The following RYR2 variants were observed in gnomAD, a reference collection of about 807,000 sequenced individuals.
RYR2 encodes ryanodine receptor 2.
Under a neutral mutation model 601.1 loss-of-function variants are expected in RYR2, and 227 were observed. That is an observed-to-expected ratio of 0.38 (90% CI 0.34 to 0.42). RYR2 has a LOEUF of 0.42. Among genes scored for constraint, RYR2 ranks in the 10% least tolerant of loss-of-function variants. RYR2 has a pLI of 1.00. For missense variants in RYR2, 4,646 were observed against 6,156.5 expected (o/e 0.75, Z 8.21); for synonymous variants, 2,223 against 2,175.1 (o/e 1.02, Z -0.61).
chr1:237,590,598 A>G, intron 30 of RYR2, 42 bp from the exon 31 acceptor site: 1 of 1,447,834 alleles, frequency 6.9e-7, no homozygotes, highest in Non-Finnish European at 9.2e-7. Flanking sequence ...GGAAATTGAC[A>G]ATGGTGATTG....
At chr1:237,355,782 T>C (rs1314165787) in intron 3 of RYR2, among the ~76,000 whole-genome samples, 183 bp from the exon 4 acceptor site, 1 of 152,172 alleles carries the variant, frequency 6.6e-6, no homozygotes, top group African/African-American at 2.4e-5. Flanking sequence ...AACTGAATTC[T>C]TTTTGTTTGG....
At chr1:237,100,857 G>A (rs576202952) in intron 1 of RYR2, among the ~76,000 whole-genome samples, 5 of 152,216 alleles carry the variant, frequency 3.3e-5, no homozygotes, top group South Asian at 4.2e-4. Flanking sequence ...GGAAACTCAC[G>A]TGGCATGGGG....
intron 16 of RYR2, among the ~76,000 whole-genome samples, chr1:237,462,605 G>A (rs951491569): frequency 6.6e-6 from 1 of 152,128 alleles, no homozygotes; most frequent in Non-Finnish European, 1.5e-5. Flanking sequence ...AACCAACAAG[G>A]ATAGATTGCT....
intron 23 of RYR2, among the ~76,000 whole-genome samples, chr1:237,508,676 G>A (rs1481951576): frequency 6.9e-6 from 1 of 145,332 alleles, no homozygotes; most frequent in Non-Finnish European, 1.5e-5. Flanking sequence ...GTTACATTTA[G>A]TTCTGGTTGA....
At chr1:237,573,231 TACACACACACAC>T (rs10556537) in intron 29 of RYR2, among the ~76,000 whole-genome samples, 6 of 148,824 alleles carry the variant, frequency 4.0e-5, no homozygotes, top group African/African-American at 1.2e-4. Context: ...GATATACACA[TACACACACACAC>T]ACACACACAC....
intron 1 of RYR2, among the ~76,000 whole-genome samples, chr1:237,201,854 C>A (rs1362420687): frequency 6.6e-6 from 1 of 152,134 alleles, no homozygotes; most frequent in African/African-American, 2.4e-5. Context: ...GACGTATATT[C>A]AGGATTTGTT....
intron 24 of RYR2, among the ~76,000 whole-genome samples, chr1:237,524,566 TCTG>T (rs1393838954): frequency 6.6e-6 from 1 of 152,220 alleles, no homozygotes; most frequent in African/African-American, 2.4e-5. Flanking sequence ...ACTTTGCTAT[TCTG>T]CAGAATAACC....
chr1:237,814,130 C>T (rs1661532911), intron 100 of RYR2, among the ~76,000 whole-genome samples: 1 of 152,166 alleles, frequency 6.6e-6, no homozygotes, highest in Admixed American at 6.5e-5. Flanking sequence ...TGCTTCTTAC[C>T]AGTACTTGTG....
intron 1 of RYR2, among the ~76,000 whole-genome samples, chr1:237,188,829 G>T (rs532663655): frequency 6.6e-6 from 1 of 152,200 alleles, no homozygotes; most frequent in Admixed American, 6.5e-5. Context: ...TTGTAGACTC[G>T]ATGCGGACTG....
Position 237,229,862 on chromosome 1 carries a change from C to T in RYR2, c.49-40635C>T, listed in dbSNP as rs546157480. Among the ~76,000 whole-genome samples the T allele has an allele frequency of 4.3e-4, 65 of 152,330 alleles. 1 individual carries two copies. The highest frequency in any genetic ancestry group is 1.5e-3 in the African/African-American group (63 of 41,586). On this transcript the variant is annotated intron_variant, in intron 1 of 104. Coordinates refer to ENST00000366574, the MANE Select transcript of RYR2 (RefSeq NM_001035.3). ...CTAAACATAAGATCTCCCACCAACC[C>T]TGCGTCCACTCTGACTCCAGCACCT...
chr1:237,043,625 A>G (rs1660204754), intron 1 of RYR2, among the ~76,000 whole-genome samples: 1 of 152,162 alleles, frequency 6.6e-6, no homozygotes, highest in Non-Finnish European at 1.5e-5. Context: ...GCATCCTTTC[A>G]GTCGTTCCTT....
intron 2 of RYR2, among the ~76,000 whole-genome samples, chr1:237,299,285 G>T (rs2149447752): frequency 6.6e-6 from 1 of 152,168 alleles, no homozygotes; most frequent in South Asian, 2.1e-4. Flanking sequence ...TGACCAGAGT[G>T]TTTTCACTCT....
chr1:237,695,576 C>G (rs1454031549), intron 63 of RYR2, among the ~76,000 whole-genome samples: 3 of 152,144 alleles, frequency 2.0e-5, no homozygotes. Context: ...TTACAAAACT[C>G]TGCTGGCCCT....
chr1:237,435,957 C>G (rs989533168), intron 12 of RYR2, among the ~76,000 whole-genome samples: 6 of 152,242 alleles, frequency 3.9e-5, no homozygotes, highest in Non-Finnish European at 5.9e-5. Context: ...TGATTATGAT[C>G]AGGCTGGAAT....
intron 68 of RYR2, 57 bp downstream of exon 68, chr1:237,707,326 T>G: frequency 2.2e-6 from 2 of 897,798 alleles, no homozygotes; most frequent in Middle Eastern, 2.5e-4. Flanking sequence ...CCAAAAGAAT[T>G]TTAAATACAT....
At chr1:237,697,562 C>T (rs1369674815) in intron 63 of RYR2, among the ~76,000 whole-genome samples, 8 of 143,350 alleles carry the variant, frequency 5.6e-5, no homozygotes, top group Non-Finnish European at 9.0e-5. Flanking sequence ...TAACTGTGGC[C>T]TGCTATTATG....
intron 57 of RYR2, 48 bp from the exon 58 acceptor site, chr1:237,667,835 T>G: frequency 7.3e-7 from 1 of 1,375,114 alleles, no homozygotes; most frequent in Non-Finnish European, 1.0e-6. Context: ...GAAAGCAATA[T>G]TATCCTTTTT....
chr1:237,547,066 C>T (rs542083498), intron 25 of RYR2, among the ~76,000 whole-genome samples: 44 of 150,128 alleles, frequency 2.9e-4, no homozygotes, highest in African/African-American at 8.0e-4. Context: ...AGAGCAGTGG[C>T]GTGATCTCTC....
chr1:237,743,746 C>G, intron 80 of RYR2: 1 of 430,542 alleles, frequency 2.3e-6, no homozygotes, highest in Non-Finnish European at 4.7e-6. Context: ...AATCTTTCTA[C>G]AAGTTTGTAG....
Sources: allele counts gnomAD v4.1 joint callset (sites outside exome capture counted in the v4.1 genomes callset), GRCh38; gene constraint gnomAD v4.1.1; transcripts MANE v1.5; gene names NCBI Gene and HGNC (gene_info 2026-07-23, HGNC 2026-07-21).